Variants in GALNTL6 observed in about 807,000 individuals in gnomAD.
The protein encoded by GALNTL6 is polypeptide N-acetylgalactosaminyltransferase-like 6.
A neutral mutation model predicts 73.7 loss-of-function variants in GALNTL6; 46 were observed. The observed-to-expected ratio is 0.62, with a 90% CI of 0.49 to 0.80. GALNTL6 has a LOEUF of 0.80. Among genes scored for constraint, GALNTL6 ranks in the 30% least tolerant of loss-of-function variants. The pLI, the probability that GALNTL6 is intolerant of heterozygous loss-of-function variation, is 0.00. For missense variants in GALNTL6, 604 were observed against 755.0 expected, an observed-to-expected ratio of 0.80 and a Z score of 2.34; for synonymous variants, 259 against 263.7, an observed-to-expected ratio of 0.98 and a Z score of 0.17.
intron 5 of GALNTL6, among the ~76,000 whole-genome samples, chr4:172,534,934 T>C (rs1055835518): frequency 6.6e-6 from 1 of 152,174 alleles, no homozygotes; most frequent in African/African-American, 2.4e-5. Flanking sequence ...ATACTCACAC[T>C]TAATAGATGA....
chr4:172,465,474 C>T (rs1732778469), intron 5 of GALNTL6, among the ~76,000 whole-genome samples: 1 of 150,238 alleles, frequency 6.7e-6, no homozygotes, highest in Admixed American at 6.6e-5. Flanking sequence ...GAGAATCCGT[C>T]TCAAAAAAAG....
chr4:171,997,653 C>T (rs1740532484), intron 2 of GALNTL6, among the ~76,000 whole-genome samples: 1 of 152,048 alleles, frequency 6.6e-6, no homozygotes, highest in Non-Finnish European at 1.5e-5. Context: ...TTAAGTCACA[C>T]CATGGTAAGT....
intron 5 of GALNTL6, among the ~76,000 whole-genome samples, chr4:172,559,041 GATGATA>G (rs923394453): frequency 1.5e-5 from 2 of 137,808 alleles, no homozygotes; most frequent in African/African-American, 5.3e-5. Flanking sequence ...TGGTAAGGAT[GATGATA>G]ATGATAATGG....
intron 4 of GALNTL6, among the ~76,000 whole-genome samples, chr4:172,339,738 T>C (rs1242387841): frequency 6.6e-6 from 1 of 152,138 alleles, no homozygotes; most frequent in Non-Finnish European, 1.5e-5. Context: ...AAATCCCCAG[T>C]GGAAAGGTGA....
At chr4:172,723,570 T>C (rs1579396215) in intron 5 of GALNTL6, among the ~76,000 whole-genome samples, 1 of 152,292 alleles carries the variant, frequency 6.6e-6, no homozygotes, top group East Asian at 1.9e-4. Flanking sequence ...ACACTTTTTT[T>C]TTCTGATTAC....
At chr4:172,390,153 A>G (rs899191709) in intron 5 of GALNTL6, among the ~76,000 whole-genome samples, 1 of 152,234 alleles carries the variant, frequency 6.6e-6, no homozygotes, top group Non-Finnish European at 1.5e-5. Flanking sequence ...CAAAGAAAAT[A>G]ACATAAAATA....
chr4:171,840,788 T>C (rs1735221608), intron 2 of GALNTL6, among the ~76,000 whole-genome samples: 1 of 152,212 alleles, frequency 6.6e-6, no homozygotes, highest in Non-Finnish European at 1.5e-5. Flanking sequence ...TTGCAACATA[T>C]GTCCTAAAAT....
intron 5 of GALNTL6, among the ~76,000 whole-genome samples, chr4:172,595,693 A>G (rs922505703): frequency 1.3e-5 from 2 of 152,144 alleles, no homozygotes; most frequent in Non-Finnish European, 1.5e-5. Flanking sequence ...TTTTTTTCCA[A>G]TTTCATCAGA....
chr4:171,829,333 A>C (rs893173930), intron 2 of GALNTL6, among the ~76,000 whole-genome samples: 2 of 152,090 alleles, frequency 1.3e-5, no homozygotes, highest in African/African-American at 4.8e-5. Context: ...CAGCAGCCAG[A>C]GCTGTTTATC....
At chr4:172,770,355 A>G (rs887350481) in intron 5 of GALNTL6, among the ~76,000 whole-genome samples, 1 of 152,056 alleles carries the variant, frequency 6.6e-6, no homozygotes, top group Non-Finnish European at 1.5e-5. Context: ...TAATTGCTCA[A>G]TAAAAGACAA....
At chr4:171,906,833 G>A (rs1365624890) in intron 2 of GALNTL6, among the ~76,000 whole-genome samples, 2 of 152,130 alleles carry the variant, frequency 1.3e-5, no homozygotes, top group African/African-American at 4.8e-5. Context: ...TGCAAGGCTG[G>A]TTCAATATAC....
intron 5 of GALNTL6, among the ~76,000 whole-genome samples, chr4:172,690,721 GA>G (rs2111257052): frequency 6.6e-6 from 1 of 152,262 alleles, no homozygotes; most frequent in South Asian, 2.1e-4. Context: ...TAAAACAAGA[GA>G]AAATATTATT....
intron 2 of GALNTL6, among the ~76,000 whole-genome samples, chr4:171,866,488 TTCTC>T (rs1178879072): frequency 6.6e-6 from 1 of 152,068 alleles, no homozygotes; most frequent in African/African-American, 2.4e-5. Context: ...AGTTTCTTTT[TTCTC>T]TCTCTCTCTT....
At chr4:171,875,430 G>A (rs1736248726) in intron 2 of GALNTL6, among the ~76,000 whole-genome samples, 1 of 151,978 alleles carries the variant, frequency 6.6e-6, no homozygotes, top group African/African-American at 2.4e-5. Context: ...TTAAGTCTTT[G>A]CCTTGTCCCT....
chr4:172,193,947 T>C (rs1735667110), intron 2 of GALNTL6, among the ~76,000 whole-genome samples: 1 of 152,058 alleles, frequency 6.6e-6, no homozygotes, highest in Non-Finnish European at 1.5e-5. Flanking sequence ...ATGATCGCAA[T>C]ACCTGTCCAC....
At chr4:172,953,975 T>G (rs1456884390) in intron 10 of GALNTL6, among the ~76,000 whole-genome samples, 1 of 152,212 alleles carries the variant, frequency 6.6e-6, no homozygotes, top group Non-Finnish European at 1.5e-5. Context: ...TTCTACAGTT[T>G]TTTTTGTTTG....
intron 7 of GALNTL6, among the ~76,000 whole-genome samples, chr4:172,877,937 A>G (rs542722217): frequency 1.0e-3 from 152 of 152,134 alleles, no homozygotes; most frequent in Admixed American, 2.2e-3. Flanking sequence ...TAACATTTTC[A>G]GGGAAACAAA....
chr4:172,269,892 T>G (rs1738581607), intron 3 of GALNTL6, among the ~76,000 whole-genome samples: 1 of 151,882 alleles, frequency 6.6e-6, no homozygotes, highest in African/African-American at 2.4e-5. Context: ...GCTGAGATTA[T>G]GGGTGCCTGC....
intron 5 of GALNTL6, among the ~76,000 whole-genome samples, chr4:172,406,554 A>G (rs1049495650): frequency 2.6e-5 from 4 of 152,026 alleles, no homozygotes; most frequent in Non-Finnish European, 1.5e-5. Flanking sequence ...AAATAAGACT[A>G]TTGAACTGAA....
Sources: gnomAD v4.1 joint callset for allele counts (sites outside exome capture counted in the v4.1 genomes callset) on GRCh38, gnomAD v4.1.1 for gene constraint, MANE v1.5 for transcripts, NCBI Gene and HGNC (gene_info 2026-07-23, HGNC 2026-07-21) for gene names.